Variants in KIAA0586 observed in about 807,000 individuals in gnomAD.
KIAA0586 encodes the protein protein TALPID3.
Under a neutral mutation model 169.8 loss-of-function variants are expected in KIAA0586, and 144 were observed. The ratio of observed to expected loss-of-function variants is 0.85; its 90% CI spans 0.74 to 0.97. The LOEUF is 0.97. KIAA0586 is among the 50% of genes least tolerant of loss of function. The pLI is 0.00. For synonymous variants in KIAA0586, 625 were observed against 612.4 expected (o/e 1.02, Z -0.30); for missense variants, 1,854 against 1,823.0 (o/e 1.02, Z -0.31).
At chr14:58,500,987 A>G (rs935557931) in intron 27 of KIAA0586, among the ~76,000 whole-genome samples, 5 of 152,220 alleles carry the variant, frequency 3.3e-5, no homozygotes, top group Non-Finnish European at 7.3e-5. Flanking sequence ...TGCTGCAAGT[A>G]TTGATTTGGG....
At chr14:58,483,688 C>G (rs2042186208) in intron 21 of KIAA0586, among the ~76,000 whole-genome samples, 1 of 151,868 alleles carries the variant, frequency 6.6e-6, no homozygotes, top group Non-Finnish European at 1.5e-5. Flanking sequence ...GTTTAATCAA[C>G]CTTACTTGTG....
At chr14:58,559,696 A>G in the KIAA0586 span, among the ~76,000 whole-genome samples, 1 of 152,166 alleles carries the variant, frequency 6.6e-6, no homozygotes, top group Non-Finnish European at 1.5e-5. Context: ...TTGGGAACTC[A>G]GTAACAAGAG....
chr14:58,482,327 A>T (rs954844366), intron 20 of KIAA0586, among the ~76,000 whole-genome samples, 186 bp from the exon 21 acceptor site: 1 of 151,860 alleles, frequency 6.6e-6, no homozygotes, highest in Non-Finnish European at 1.5e-5. Flanking sequence ...TCAGGAGGCT[A>T]AGGCAGGAGA....
At chr14:58,535,842 T>G (rs1297899984) in intron 29 of KIAA0586, among the ~76,000 whole-genome samples, 1 of 152,060 alleles carries the variant, frequency 6.6e-6, no homozygotes, top group Non-Finnish European at 1.5e-5. Context: ...TTTTGTGGGT[T>G]AAAAAATTCA....
At position 58,453,880 on chromosome 14, in the gene KIAA0586, A is replaced by C. The variant is rs1323992597; in HGVS notation, c.1253+407A>C. Among the ~76,000 whole-genome samples the C allele has an allele frequency of 2.0e-5, 3 of 152,140 alleles. No homozygotes were observed. The East Asian group carries it at 5.8e-4, about 29-fold the overall frequency. ...TTTCTCTATTTTTGTGTATATTTGA[A>C]ATTTTACATAATAAAAAGTTTTAAA... On this transcript the variant is annotated intron_variant, in intron 9 of 30. Transcript: ENST00000652326.
chr14:58,447,621 C>T (rs1202668957), intron 6 of KIAA0586, among the ~76,000 whole-genome samples: 2 of 151,980 alleles, frequency 1.3e-5, no homozygotes, highest in Non-Finnish European at 1.5e-5. Context: ...GCTGGGATTA[C>T]AGGCTCCCAC....
intron 14 of KIAA0586, 134 bp from the exon 15 acceptor site, chr14:58,465,701 T>C: frequency 1.8e-6 from 1 of 562,808 alleles, no homozygotes; most frequent in Non-Finnish European, 3.0e-6. Flanking sequence ...GTCTATATAT[T>C]ACTTCTGTTT....
At chr14:58,433,358 T>A (rs889396112) in intron 4 of KIAA0586, 1 of 152,252 alleles carries the variant, frequency 6.6e-6, no homozygotes, top group Non-Finnish European at 1.5e-5. Context: ...TGAGCCACCA[T>A]GATCAGCCTT....
In KIAA0586 at chr14:58,432,473, A is replaced by G; in HGVS notation, c.410+16A>G. ...TAAAGCAAAAGTAAGTTTCATTTAC[A>G]GAAAATAATTGGACCATTTCTTATG... is the stretch of plus-strand genomic sequence containing the variant. On this transcript the variant is annotated intron_variant, in intron 4 of 30. Coordinates refer to ENST00000652326, the MANE Select transcript of KIAA0586 (RefSeq NM_001329943.3). 7.1e-7 allele frequency: 1 copy of G among 1,411,310 alleles called. No individual in the cohort carries two copies. The highest frequency in any genetic ancestry group is 9.8e-7 in the Non-Finnish European group (1 of 1,018,468). The allele number at this position is 1,411,310 out of a possible 1,614,324, so 87.4% of individuals were successfully genotyped here.
In KIAA0586 at chr14:58,443,846, A is replaced by G. The variant is rs188295787; in HGVS notation, c.586-108A>G. On this transcript the variant is annotated intron_variant, in intron 5 of 30. Coordinates refer to ENST00000652326, the MANE Select transcript of KIAA0586 (RefSeq NM_001329943.3). ...TAGACATTTAGTGGGTAAAGGCTCA[A>G]ATTAGATCACTTATCAATGCCAATT... 5.8e-4 allele frequency: 405 copies of G among 694,036 alleles called. 2 individuals are homozygous for G. Among genetic ancestry groups the G allele is most frequent in the African/African-American group, 5.6e-3 (313 of 55,462 alleles). The allele number at this position is 694,036 out of a possible 1,614,324, so 43.0% of individuals were successfully genotyped here.
Position 58,465,973 on chromosome 14 carries a change from T to G in KIAA0586, c.2198T>G (p.Met733Arg). ...TATTTGTTCAGCCCAAGTAGAGAAA[T>G]GCCTACTTTTTCAGGTACATTGGAA... ...QQYLFSPSREMPTFSGTLEGH... is the reference protein window; with the variant it reads ...QQYLFSPSRERPTFSGTLEGH... The change falls in exon 15 of 31, where the codon ATG becomes AGG. Residue 733 changes from methionine to arginine, a missense_variant. Met to Arg is a moderately conservative substitution (Grantham distance 91). Coordinates refer to ENST00000652326, the MANE Select transcript of KIAA0586 (RefSeq NM_001329943.3). 1.2e-6 allele frequency: 2 copies of G among 1,613,600 alleles called. No individual in the cohort carries two copies. The highest frequency in any genetic ancestry group is 1.7e-6 in the Non-Finnish European group (2 of 1,179,644).
At chr14:58,474,557 A>AT in intron 18 of KIAA0586, 50 bp from the exon 19 acceptor site, 2 of 1,315,778 alleles carry the variant, frequency 1.5e-6, no homozygotes, top group Non-Finnish European at 2.0e-6. Context: ...GTACTCAGTA[A>AT]ATGTTGAACA....
downstream of KIAA0586, among the ~76,000 whole-genome samples, chr14:58,551,869 G>GAGTAC (rs1157616772): frequency 6.6e-6 from 1 of 152,150 alleles, no homozygotes; most frequent in African/African-American, 2.4e-5. Flanking sequence ...CAATAATGGA[G>GAGTAC]AGTACAGTCC....
chr14:58,521,352 G>A lies in KIAA0586; in HGVS notation c.4429+8725G>A, dbSNP rs1388867701. 4.0e-6 allele frequency: 4 copies of A among 1,002,486 alleles called. No individual in the cohort carries two copies. In the East Asian group the frequency reaches 1.2e-4, roughly 30 times the overall value. The allele number at this position is 1,002,486 out of a possible 1,614,324, so 62.1% of individuals were successfully genotyped here. A position where few individuals can be genotyped will look rare whatever the true frequency, so the allele number is the denominator to read the frequency against. ...AGTCTTTTCAAAGTATTGCAAAATT[G>A]TGGGCTGCTCTGTTCATAAGGGCTT... On this transcript the variant is annotated intron_variant, in intron 29 of 30. Transcript: ENST00000652326.
chr14:58,518,678 C>T (rs2044951883), intron 29 of KIAA0586, among the ~76,000 whole-genome samples: 1 of 152,164 alleles, frequency 6.6e-6, no homozygotes, highest in Admixed American at 6.5e-5. Flanking sequence ...CCAGAGTTAC[C>T]TTCTCTCCCC....
At chr14:58,507,243 A>G (rs1397499610) in intron 27 of KIAA0586, among the ~76,000 whole-genome samples, 2 of 5,616 alleles carry the variant, frequency 3.6e-4, no homozygotes, top group Non-Finnish European at 5.3e-3. Context: ...TGTATGATTT[A>G]TATATAAATC....
chr14:58,437,704 CAAAAAAAAAA>C (rs71107947), intron 4 of KIAA0586, among the ~76,000 whole-genome samples: 1 of 61,602 alleles, frequency 1.6e-5, no homozygotes, highest in African/African-American at 6.7e-5. Context: ...GATCCTGTCT[CAAAAAAAAAA>C]AAAAAAAAAA....
chr14:58,436,351 C>T (rs967067970), intron 4 of KIAA0586, among the ~76,000 whole-genome samples: 4 of 148,622 alleles, frequency 2.7e-5, no homozygotes, highest in African/African-American at 7.4e-5. Flanking sequence ...ATGTCCCCAC[C>T]GAAAAAAAAA....
Position 58,453,348 on chromosome 14 carries a change from A to G in KIAA0586, c.1130-2A>G. 7.9e-7 allele frequency: 1 copy of G among 1,261,878 alleles called. No homozygotes were observed. The highest frequency in any genetic ancestry group is 1.1e-6 in the Non-Finnish European group (1 of 917,128). The allele number at this position is 1,261,878 out of a possible 1,614,324, so 78.2% of individuals were successfully genotyped here. ...AATGATACTATATCTCTTCTATTTCAGGAAATGTAAGACTATTGGAACAAA... is the reference window on the plus strand; with the variant it reads ...AATGATACTATATCTCTTCTATTTCGGGAAATGTAAGACTATTGGAACAAA... On this transcript the variant is annotated splice_acceptor_variant, in intron 8 of 30. Coordinates refer to ENST00000652326, the MANE Select transcript of KIAA0586 (RefSeq NM_001329943.3). LOFTEE classifies it high-confidence loss of function.
Sources: allele counts gnomAD v4.1 joint callset (sites outside exome capture counted in the v4.1 genomes callset), GRCh38; gene constraint gnomAD v4.1.1; transcripts MANE v1.5; gene names NCBI Gene and HGNC (gene_info 2026-07-23, HGNC 2026-07-21).